TUT4: variants seen among roughly 807,000 people sequenced by gnomAD.
The protein encoded by TUT4 is terminal uridylyl transferase 4.
TUT4 carries 36 observed loss-of-function variants against 192.2 expected under a neutral mutation model. The ratio of observed to expected loss-of-function variants is 0.19; its 90% confidence interval spans 0.14 to 0.25. TUT4 has a LOEUF of 0.25. Among genes scored for constraint, TUT4 ranks in the 10% least tolerant of loss-of-function variants. The probability of loss-of-function intolerance (pLI) is 1.00; values close to 1 mark genes in which losing one functional copy is unlikely to be tolerated. For missense variants in TUT4, 1,493 were observed against 1,957.2 expected, an observed-to-expected ratio of 0.76 and a Z score of 4.47; for synonymous variants, 618 against 666.0, an observed-to-expected ratio of 0.93 and a Z score of 1.11.
chr1:52,472,657 A>T (rs988256431), intron 13 of TUT4, among the ~76,000 whole-genome samples: 7 of 151,874 alleles, frequency 4.6e-5, no homozygotes, highest in African/African-American at 1.7e-4. Context: ...ACTGAACACT[A>T]AAAATAAATT....
intron 28 of TUT4, among the ~76,000 whole-genome samples, chr1:52,428,381 C>T (rs1650718507): frequency 6.6e-6 from 1 of 152,034 alleles, no homozygotes; most frequent in Non-Finnish European, 1.5e-5. Flanking sequence ...AATCCCTGTA[C>T]TTTGGGAGGC....
At position 52,553,073 on chromosome 1, in the gene TUT4, T is replaced by C. The variant is rs906069545; in HGVS notation, c.-236A>G. On this transcript the variant is annotated 5_prime_UTR_variant, in exon 1 of 30. It removes an upstream start codon present in the reference 5' UTR. Coordinates refer to ENST00000257177, the MANE Select transcript of TUT4 (RefSeq NM_001009881.3). The stretch of plus-strand genomic sequence containing the variant: ...CGACTAGCTCAGGACTCCACCGCCA[T>C]GTCCGCCGCGCCGCGAACTGCATTG... 3 of 142,744 alleles carry C rather than the reference T, an allele frequency of 2.1e-5. No individual in the cohort carries two copies. The highest frequency in any genetic ancestry group is 2.2e-4 in the South Asian group (1 of 4,456). 8.8% of individuals were successfully genotyped at this position (142,744 alleles called of 1,614,324 possible).
chr1:52,475,398 C>T lies in TUT4; in HGVS notation c.2161G>A (p.Asp721Asn), dbSNP rs752562300. 3 of 1,613,986 alleles carry T rather than the reference C, an allele frequency of 1.9e-6. No individual in the cohort carries two copies. The highest frequency in any genetic ancestry group is 2.2e-5 in the South Asian group (2 of 91,084). ...QTKGGNKSTV[D>N]FKKREKGKIS... ...TTCCCCTTCTCTCTTTTCTTGAAAT[C>T]CACTGTAGACTTATTTCCACCCTTC... is the stretch of plus-strand genomic sequence containing the variant. The change falls in exon 13 of 30, where the codon GAT becomes AAT. Residue 721 changes from aspartate (D) to asparagine (N), a missense_variant. By Grantham distance (23) the Asp-to-Asn change is conservative (BLOSUM62 1). This residue lies in a region of TUT4 where 245 missense variants were observed against 218.4 expected (regional missense o/e 1.12). Transcript: ENST00000257177.
At chr1:52,515,717 G>T in intron 3 of TUT4, 174 bp downstream of exon 3, 1 of 732,852 alleles carries the variant, frequency 1.4e-6, no homozygotes. Flanking sequence ...TGCTGAAAAA[G>T]AGAGGCAAGG....
At chr1:52,456,964 A>G (rs1661154624) in intron 20 of TUT4, among the ~76,000 whole-genome samples, 1 of 152,138 alleles carries the variant, frequency 6.6e-6, no homozygotes, top group South Asian at 2.1e-4. Flanking sequence ...TGGGTACAGG[A>G]GGTATGTTGG....
chr1:52,543,802 C>T (rs1401619467), intron 1 of TUT4, among the ~76,000 whole-genome samples: 1 of 151,766 alleles, frequency 6.6e-6, no homozygotes, highest in Non-Finnish European at 1.5e-5. Context: ...GTTAAAATGT[C>T]CACACTACCC....
chr1:52,426,957 A>G (rs1163890232), intron 28 of TUT4, among the ~76,000 whole-genome samples: 1 of 150,032 alleles, frequency 6.7e-6, no homozygotes, highest in Non-Finnish European at 1.5e-5. Context: ...TCCATTTTCA[A>G]CACAGTGTAA....
In TUT4 at chr1:52,445,959, T is replaced by C; in HGVS notation, c.3737A>G (p.Lys1246Arg). Residue 1246 changes from lysine (K) to arginine (R), a missense_variant and splice_region_variant, in exon 23 of 30, where the codon AAA (lysine) becomes AGA (arginine). Coordinates refer to ENST00000257177, the MANE Select transcript of TUT4 (RefSeq NM_001009881.3). ...NHNLGAGVSR[K>R]MTNFIMKAFI... ...GAATCTCTATATTTAAAACTTACTT[T>C]TTCTGGAAACTCCAGCACCAAGGTT... 6.2e-7 allele frequency: 1 copy of C among 1,607,228 alleles called. No homozygotes were observed. The highest frequency in any genetic ancestry group is 8.5e-7 in the Non-Finnish European group (1 of 1,178,118).
At chr1:52,456,497 A>G (rs981552340) in intron 20 of TUT4, among the ~76,000 whole-genome samples, 1 of 150,778 alleles carries the variant, frequency 6.6e-6, no homozygotes. Context: ...TTAAAAAAAA[A>G]AAAGAAAGAA....
At chr1:52,466,540 A>C (rs939424666) in intron 15 of TUT4, among the ~76,000 whole-genome samples, 2 of 151,048 alleles carry the variant, frequency 1.3e-5, no homozygotes, top group Non-Finnish European at 2.9e-5. Flanking sequence ...CAGGAGACTA[A>C]GGTAGGAGGA....
intron 4 of TUT4, among the ~76,000 whole-genome samples, chr1:52,498,333 C>T (rs1004589865): frequency 2.0e-5 from 3 of 151,598 alleles, no homozygotes; most frequent in Admixed American, 1.3e-4. Flanking sequence ...GCTCCGCCCC[C>T]CCGGGGTTCA....
chr1:52,482,957 CT>C (rs898518232), intron 9 of TUT4, among the ~76,000 whole-genome samples: 2 of 152,058 alleles, frequency 1.3e-5, no homozygotes, highest in African/African-American at 4.8e-5. Context: ...ATATTTTAAT[CT>C]TAAAATATAT....
At chr1:52,468,439 G>GAA (rs1249324973) in intron 14 of TUT4, 172 bp from the exon 15 acceptor site, 3 of 513,324 alleles carry the variant, frequency 5.8e-6, no homozygotes, top group Non-Finnish European at 1.0e-5. Flanking sequence ...GAGATAGAAG[G>GAA]AAAAAAACTG....
chr1:52,528,082 G>A (rs1682304350), intron 1 of TUT4, among the ~76,000 whole-genome samples: 1 of 151,696 alleles, frequency 6.6e-6, no homozygotes, highest in South Asian at 2.1e-4. Context: ...AAGAGGCTGA[G>A]GCGGGAGAAT....
intron 11 of TUT4, among the ~76,000 whole-genome samples, chr1:52,479,855 A>G (rs374299667): frequency 7.2e-4 from 109 of 152,074 alleles, no homozygotes; most frequent in Admixed American, 6.5e-3. Flanking sequence ...TTAGCCGGGC[A>G]TGGTGGCCGG....
At chr1:52,454,386 G>GC (rs778886589) in intron 20 of TUT4, among the ~76,000 whole-genome samples, 43 of 152,244 alleles carry the variant, frequency 2.8e-4, no homozygotes, top group Admixed American at 9.2e-4. Context: ...ATAAATCAAT[G>GC]CAACAGTGGA....
chr1:52,448,228 T>C (rs142903332), intron 20 of TUT4, among the ~76,000 whole-genome samples: 1 of 152,196 alleles, frequency 6.6e-6, no homozygotes, highest in African/African-American at 2.4e-5. Flanking sequence ...CATTTACATA[T>C]TACTTAAACA....
chr1:52,470,160 A>G (rs950635606), intron 14 of TUT4, among the ~76,000 whole-genome samples: 1 of 152,156 alleles, frequency 6.6e-6, no homozygotes, highest in Non-Finnish European at 1.5e-5. Flanking sequence ...GTAGTGCCAG[A>G]AAGTATGGAA....
chr1:52,468,516 T>C, intron 14 of TUT4: 1 of 378,520 alleles, frequency 2.6e-6, no homozygotes, highest in Non-Finnish European at 4.7e-6. Flanking sequence ...ATTTTTAAGA[T>C]ATATGTACAT....
Sources: gnomAD v4.1 joint callset for allele counts (sites outside exome capture counted in the v4.1 genomes callset) on GRCh38, gnomAD v4.1.1 for gene constraint, gnomAD v4.1.1 regional missense constraint, MANE v1.5 for transcripts, NCBI Gene and HGNC (gene_info 2026-07-23, HGNC 2026-07-21) for gene names.